The following SEMA3E variants were observed in gnomAD, a reference collection of about 807,000 sequenced individuals.
The protein encoded by SEMA3E is semaphorin 3E, also known as semaphorin-3E.
In SEMA3E, 49 loss-of-function variants were observed where a neutral mutation model predicts 93.6. The ratio of observed to expected loss-of-function variants is 0.52; its 90% confidence interval spans 0.42 to 0.66. The LOEUF is 0.66. SEMA3E is among the 30% of genes least tolerant of loss of function. SEMA3E has a pLI of 0.00. For synonymous variants in SEMA3E, 363 were observed against 330.7 expected (o/e 1.10, Z -1.06); for missense variants, 906 against 964.8 (o/e 0.94, Z 0.81).
intron 1 of SEMA3E, among the ~76,000 whole-genome samples, chr7:83,585,566 G>A (rs548557118): frequency 6.6e-6 from 1 of 152,220 alleles, no homozygotes; most frequent in African/African-American, 2.4e-5. Context: ...AGGATATTAA[G>A]ACACCATAGA....
At position 83,392,586 on chromosome 7, in the gene SEMA3E, G is replaced by A. The variant is rs781734004; in HGVS notation, c.1636C>T (p.Arg546Trp). 11 of 1,613,676 alleles carry A rather than the reference G, an allele frequency of 6.8e-6. No individual in the cohort carries two copies. Among genetic ancestry groups the A allele is most frequent in the South Asian group, 3.3e-5 (3 of 91,082 alleles). Residue 546 changes from arginine (R) to tryptophan (W), a missense_variant, in exon 14 of 17, where the codon CGG becomes TGG. Transcript: ENST00000643230. ...YCAWDGISCSRYYPTGTHAKR... is the reference protein window; with the variant it reads ...YCAWDGISCSWYYPTGTHAKR... ...GCATGTGTGCCTGTTGGGTAATACC[G>A]GGAGCAGGATATGCCATCCCAGGCA...
In SEMA3E at chr7:83,408,638, CA is replaced by C. The variant is rs1402857915; in HGVS notation, c.551-152del. On this transcript the variant is annotated intron_variant, in intron 5 of 16. Coordinates refer to ENST00000643230, the MANE Select transcript of SEMA3E (RefSeq NM_012431.3). ...AGCATGGATGGTATAGTAAGACTCC[CA>C]GGGTTTGAGTCCAGAGTCTGTCACT... The C allele has an allele frequency of 3.1e-6, 3 of 959,312 alleles. No individual in the cohort carries two copies. In the African/African-American group the frequency reaches 4.8e-5, roughly 15 times the overall value. 59.4% of individuals were successfully genotyped at this position (959,312 alleles called of 1,614,324 possible).
chr7:83,427,865 C>T (rs570586821), intron 4 of SEMA3E, among the ~76,000 whole-genome samples: 2 of 152,272 alleles, frequency 1.3e-5, no homozygotes, highest in African/African-American at 4.8e-5. Flanking sequence ...ATGTTGGTCA[C>T]GACTTACACT....
At position 83,617,282 on chromosome 7, in the gene SEMA3E, A is replaced by T. The variant is rs1793389689; in HGVS notation, c.115+31146T>A. On this transcript the variant is annotated intron_variant, in intron 1 of 16. Transcript: ENST00000643230. Reference sequence around the variant, plus strand: ...TGAGAATGACTAATTTCTATTTCATATGTGACAGATAATAAATGCCCTAAG... The same window carrying T: ...TGAGAATGACTAATTTCTATTTCATTTGTGACAGATAATAAATGCCCTAAG... Among the ~76,000 whole-genome samples the T allele has an allele frequency of 1.3e-5, 2 of 151,172 alleles. 1 individual carries two copies. Among genetic ancestry groups the T allele is most frequent in the South Asian group, 4.1e-4 (2 of 4,828 alleles).
At position 83,531,589 on chromosome 7, in the gene SEMA3E, G is replaced by A. The variant is rs368761114; in HGVS notation, c.116-41315C>T. ...GCTGGTCTCGAACTCCTGACCTCAA[G>A]CGATCTGCCCACTTTGGCCTCCCAA... On this transcript the variant is annotated intron_variant, in intron 1 of 16. Transcript: ENST00000643230. Among the ~76,000 whole-genome samples the A allele has an allele frequency of 2.6e-5, 4 of 152,050 alleles. No individual in the cohort carries two copies. The East Asian group carries it at 5.8e-4, about 22-fold the overall frequency.
At chr7:83,611,264 A>G (rs147754331) in intron 1 of SEMA3E, among the ~76,000 whole-genome samples, 1,809 of 143,924 alleles carry the variant, frequency 0.013, 38 homozygotes, top group African/African-American at 0.044. Context: ...TATATATTAT[A>G]TATAAATTTA....
chr7:83,640,396 G>C (rs535469675), intron 1 of SEMA3E, among the ~76,000 whole-genome samples: 1 of 152,188 alleles, frequency 6.6e-6, no homozygotes, highest in African/African-American at 2.4e-5. Context: ...CAGAATACTT[G>C]GCTGGCAGGC....
chr7:83,597,622 T>C (rs1792905408), intron 1 of SEMA3E, among the ~76,000 whole-genome samples: 1 of 152,198 alleles, frequency 6.6e-6, no homozygotes, highest in African/African-American at 2.4e-5. Flanking sequence ...CAGCAATTGA[T>C]GCTACATTTT....
intron 9 of SEMA3E, among the ~76,000 whole-genome samples, chr7:83,404,371 G>A (rs1174118553): frequency 6.6e-6 from 1 of 151,776 alleles, no homozygotes; most frequent in Non-Finnish European, 1.5e-5. Context: ...AAGACCCCAC[G>A]TAAGCACAGT....
intron 1 of SEMA3E, among the ~76,000 whole-genome samples, chr7:83,503,437 G>T (rs1200650168): frequency 6.6e-6 from 1 of 151,966 alleles, no homozygotes; most frequent in Non-Finnish European, 1.5e-5. Flanking sequence ...AAACTGGCAG[G>T]CAAAAATTAT....
At chr7:83,614,001 G>C (rs1013634289) in intron 1 of SEMA3E, among the ~76,000 whole-genome samples, 1 of 152,046 alleles carries the variant, frequency 6.6e-6, no homozygotes, top group Non-Finnish European at 1.5e-5. Flanking sequence ...TCTAATTGGA[G>C]CATCAAGTAC....
intron 16 of SEMA3E, chr7:83,372,558 A>G (rs1037800719): frequency 1.0e-5 from 3 of 298,968 alleles, no homozygotes; most frequent in African/African-American, 6.4e-5. Flanking sequence ...GGGTTTAAAA[A>G]AAATCAGAAA....
chr7:83,515,999 C>G (rs1790919916), intron 1 of SEMA3E, among the ~76,000 whole-genome samples: 1 of 152,092 alleles, frequency 6.6e-6, no homozygotes, highest in African/African-American at 2.4e-5. Flanking sequence ...TGGCCTTGAG[C>G]CTGGGCGACA....
chr7:83,470,485 G>A (rs986232525), intron 2 of SEMA3E, among the ~76,000 whole-genome samples: 11 of 151,662 alleles, frequency 7.3e-5, no homozygotes, highest in Non-Finnish European at 1.2e-4. Flanking sequence ...ATCAACTTAC[G>A]TGCAGAGGTT....
intron 1 of SEMA3E, among the ~76,000 whole-genome samples, chr7:83,490,727 C>T (rs1790366091): frequency 6.6e-6 from 1 of 152,020 alleles, no homozygotes; most frequent in Admixed American, 6.6e-5. Flanking sequence ...TGCAAACTCT[C>T]AGTGTCATCA....
At chr7:83,580,064 A>G (rs935508934) in intron 1 of SEMA3E, among the ~76,000 whole-genome samples, 11 of 152,032 alleles carry the variant, frequency 7.2e-5, no homozygotes, top group African/African-American at 2.2e-4. Flanking sequence ...CCATTAGAAA[A>G]GCGAACAAAA....
At chr7:83,619,904 C>CAGATAGAT (rs1554344946) in intron 1 of SEMA3E, among the ~76,000 whole-genome samples, 19,687 of 148,018 alleles carry the variant, frequency 0.13, 1,367 homozygotes, top group African/African-American at 0.15. Flanking sequence ...GATAGATAGA[C>CAGATAGAT]AGATAGATAG....
chr7:83,387,027 C>T lies in SEMA3E; in HGVS notation c.1691G>A (p.Arg564Gln), dbSNP rs777600869. 9.3e-6 allele frequency: 15 copies of T among 1,613,128 alleles called. No individual in the cohort carries two copies. The Admixed American group carries it at 1.5e-4, about 16-fold the overall frequency. Residue 564 changes from arginine to glutamine, a missense_variant, in exon 15 of 17, where the codon CGA becomes CAA. Transcript: ENST00000643230. Reference sequence around the variant, plus strand: ...GCACTGCTGAGCTGCATTTCCATGTCGAACATCTTGTCTCCGGAAACGCCT... The same window carrying T: ...GCACTGCTGAGCTGCATTTCCATGTTGAACATCTTGTCTCCGGAAACGCCT... ...AKRRFRRQDV[R>Q]HGNAAQQCFG... is the part of the protein sequence containing the mutation.
At chr7:83,587,394 G>A (rs1360555797) in intron 1 of SEMA3E, among the ~76,000 whole-genome samples, 1 of 152,112 alleles carries the variant, frequency 6.6e-6, no homozygotes, top group Non-Finnish European at 1.5e-5. Context: ...TCATTTTACA[G>A]AGCATATGGA....
Sources: gnomAD v4.1 joint callset for allele counts (sites outside exome capture counted in the v4.1 genomes callset) on GRCh38, gnomAD v4.1.1 for gene constraint, MANE v1.5 for transcripts, NCBI Gene and HGNC (gene_info 2026-07-23, HGNC 2026-07-21) for gene names.